GRAMD1B: variants seen among roughly 807,000 people sequenced by gnomAD.
GRAMD1B encodes GRAM domain containing 1B, also known as protein Aster-B.
GRAMD1B carries 37 observed loss-of-function variants against 99.7 expected under a neutral mutation model. The observed-to-expected ratio is 0.37, with a 90% confidence interval of 0.29 to 0.49. The LOEUF is 0.49. GRAMD1B is among the 20% of genes least tolerant of loss of function. GRAMD1B has a pLI of 0.98. For missense variants in GRAMD1B, 888 were observed against 1,009.2 expected, an observed-to-expected ratio of 0.88 and a Z score of 1.63; for synonymous variants, 427 against 387.6, an observed-to-expected ratio of 1.10 and a Z score of -1.19.
At chr11:123,446,670 C>A (rs1008282687) in intron 1 of GRAMD1B, among the ~76,000 whole-genome samples, 2 of 152,064 alleles carry the variant, frequency 1.3e-5, no homozygotes, top group African/African-American at 4.8e-5. Context: ...CAGAGAGATG[C>A]GACTGAAAAT....
intron 2 of GRAMD1B, among the ~76,000 whole-genome samples, chr11:123,529,008 A>G (rs1043064621): frequency 6.6e-6 from 1 of 152,164 alleles, no homozygotes; most frequent in Non-Finnish European, 1.5e-5. Context: ...GGGTCTGTCC[A>G]TTCATTTTCT....
chr11:123,486,319 G>A (rs1227397023), intron 2 of GRAMD1B, among the ~76,000 whole-genome samples: 1 of 152,122 alleles, frequency 6.6e-6, no homozygotes, highest in African/African-American at 2.4e-5. Flanking sequence ...AGGCCGACGT[G>A]GGTGGATTGC....
At chr11:123,593,477 T>C (rs1950907681) in intron 4 of GRAMD1B, among the ~76,000 whole-genome samples, 1 of 151,938 alleles carries the variant, frequency 6.6e-6, no homozygotes, top group Non-Finnish European at 1.5e-5. Flanking sequence ...GCTGTAAGGA[T>C]TGGTTTAGAT....
At chr11:123,505,405 A>G (rs892759696) in intron 2 of GRAMD1B, among the ~76,000 whole-genome samples, 3 of 152,146 alleles carry the variant, frequency 2.0e-5, no homozygotes, top group Admixed American at 6.5e-5. Flanking sequence ...ACAATCATCA[A>G]TTCTGTGGGG....
chr11:123,480,632 A>G (rs1591658424), intron 1 of GRAMD1B, 184 bp from the exon 2 acceptor site: 1 of 382,186 alleles, frequency 2.6e-6, no homozygotes, highest in African/African-American at 2.1e-5. Flanking sequence ...TGGGGATTTT[A>G]TCAGCCTTGT....
intron 9 of GRAMD1B, 26 bp downstream of exon 9, chr11:123,603,567 C>A: frequency 7.2e-7 from 1 of 1,393,054 alleles, no homozygotes; most frequent in East Asian, 2.3e-5. Context: ...GGCGGCTGCC[C>A]AGAGGCAGCC....
upstream of GRAMD1B, among the ~76,000 whole-genome samples, chr11:123,425,558 G>A (rs1330521667): frequency 6.6e-6 from 1 of 152,174 alleles, no homozygotes; most frequent in Non-Finnish European, 1.5e-5. Context: ...TCCTTCTCCT[G>A]AGGTGACGTC....
intron 2 of GRAMD1B, among the ~76,000 whole-genome samples, chr11:123,494,733 T>C (rs995926985): frequency 2.0e-5 from 3 of 152,124 alleles, no homozygotes; most frequent in African/African-American, 7.2e-5. Context: ...GCAGGATGGA[T>C]GGTAATTTTT....
In GRAMD1B at chr11:123,610,192, G is replaced by A. The variant is rs575453295; in HGVS notation, c.1777-4G>A. On this transcript the variant is annotated splice_region_variant and splice_polypyrimidine_tract_variant and intron_variant, in intron 13 of 19. Coordinates refer to ENST00000635736, the MANE Select transcript of GRAMD1B (RefSeq NM_001387025.1). This position sits in a 1 kb window ranked among gnomAD's most constrained non-coding sequence, Gnocchi z 4.1. ...TTTGTCCAATGGACCTTTCCTGCCC[G>A]CAGACCATGTACAAGGCGAGCCAGG... 118 of 1,613,674 alleles carry A rather than the reference G, an allele frequency of 7.3e-5. No homozygotes were observed. Among genetic ancestry groups the A allele is most frequent in the East Asian group, 4.0e-4 (18 of 44,870 alleles).
intron 2 of GRAMD1B, among the ~76,000 whole-genome samples, chr11:123,548,610 C>A (rs1945312195): frequency 6.7e-6 from 1 of 150,330 alleles, no homozygotes; most frequent in Non-Finnish European, 1.5e-5. Flanking sequence ...TAATTGAATG[C>A]TTGAAATGAA....
chr11:123,377,248 G>A lies in GRAMD1B; in HGVS notation c.-176+18449G>A, dbSNP rs552639363. Among the ~76,000 whole-genome samples the A allele has an allele frequency of 1.1e-4, 17 of 152,284 alleles. No homozygotes were observed. The South Asian group carries it at 3.5e-3, about 32-fold the overall frequency. On this transcript the variant is annotated intron_variant, in intron 1 of 20. Transcript: ENST00000638157. Reference sequence around the variant, plus strand: ...CTTTCTTGTCTGTACACCTGGCACTGAGATGGTAGCTGGCATAAAAATCCA... The same window carrying A: ...CTTTCTTGTCTGTACACCTGGCACTAAGATGGTAGCTGGCATAAAAATCCA...
chr11:123,446,308 G>A (rs1337591284), intron 1 of GRAMD1B, among the ~76,000 whole-genome samples: 1 of 152,152 alleles, frequency 6.6e-6, no homozygotes, highest in Non-Finnish European at 1.5e-5. Flanking sequence ...TGGGATTACA[G>A]GTGTGTGCCA....
At chr11:123,608,037 G>T (rs1952982430) in intron 11 of GRAMD1B, 1 of 158,700 alleles carries the variant, frequency 6.3e-6, no homozygotes, top group Non-Finnish European at 1.4e-5. Context: ...CTCTCATTCT[G>T]ATTTGAATTC....
intron 1 of GRAMD1B, among the ~76,000 whole-genome samples, chr11:123,380,922 C>A (rs564998900): frequency 2.0e-5 from 3 of 152,220 alleles, no homozygotes; most frequent in South Asian, 2.1e-4. Context: ...GCTCCCACTC[C>A]CTTCTTCTCT....
In GRAMD1B at chr11:123,608,680, A is replaced by G; in HGVS notation, c.1535A>G (p.Glu512Gly). The change falls in exon 12 of 20, where the codon GAG becomes GGG. Residue 512 changes from glutamate to glycine, a missense_variant. Coordinates refer to ENST00000635736, the MANE Select transcript of GRAMD1B (RefSeq NM_001387025.1). ...HDEGEVQAFY[E>G]DLSGRQYVNE... Reference sequence around the variant, plus strand: ...GCAGGAGAGGTCCAGGCCTTCTATGAGGACCTGAGTGGCCGGCAGTACGTG... The same window carrying G: ...GCAGGAGAGGTCCAGGCCTTCTATGGGGACCTGAGTGGCCGGCAGTACGTG... 1 of 1,574,800 alleles carries G rather than the reference A, an allele frequency of 6.4e-7. No individual in the cohort carries two copies. Among genetic ancestry groups the G allele is most frequent in the Non-Finnish European group, 8.6e-7 (1 of 1,159,124 alleles).
Position 123,622,944 on chromosome 11 carries a change from G to A in GRAMD1B, c.*349G>A, listed in dbSNP as rs571500290. ...AATGTTGAGCCAAAGTTATGCCTGC[G>A]AAGACCCTAAGGTCTCAAAAAGAAG... is the stretch of plus-strand genomic sequence containing the variant. On this transcript the variant is annotated 3_prime_UTR_variant, in exon 20 of 20. Coordinates refer to ENST00000635736, the MANE Select transcript of GRAMD1B (RefSeq NM_001387025.1). 3.3e-5 allele frequency: 5 copies of A among 152,890 alleles called. No homozygotes were observed. Among genetic ancestry groups the A allele is most frequent in the Admixed American group, 1.3e-4 (2 of 15,286 alleles). 9.5% of individuals were successfully genotyped at this position (152,890 alleles called of 1,614,324 possible). A position where few individuals can be genotyped will look rare whatever the true frequency, so the allele number is the denominator to read the frequency against.
intron 8 of GRAMD1B, among the ~76,000 whole-genome samples, chr11:123,600,849 A>C (rs1240682444): frequency 6.6e-6 from 1 of 152,184 alleles, no homozygotes; most frequent in African/African-American, 2.4e-5. Context: ...ACCCCCAGAA[A>C]TAGGAAGCAC....
At chr11:123,601,854 A>C (rs1161480405) in intron 8 of GRAMD1B, among the ~76,000 whole-genome samples, 1 of 152,214 alleles carries the variant, frequency 6.6e-6, no homozygotes, top group Non-Finnish European at 1.5e-5. Context: ...TGCCCTCACA[A>C]ATAATTGTAA....
In GRAMD1B at chr11:123,523,599, C is replaced by G. The variant is rs1013855775; in HGVS notation, c.452+42706C>G. Reference sequence around the variant, plus strand: ...AAAATTTACAGTTACAATAATGTTTCTAATATAATACTTGGAAATCTTTGA... The same window carrying G: ...AAAATTTACAGTTACAATAATGTTTGTAATATAATACTTGGAAATCTTTGA... On this transcript the variant is annotated intron_variant, in intron 2 of 19. Transcript: ENST00000635736. 2.6e-5 allele frequency among the ~76,000 whole-genome samples: 4 copies of G among 151,574 alleles called. No homozygotes were observed. In the East Asian group the frequency reaches 7.7e-4, roughly 29 times the overall value.
Sources: gnomAD v4.1 joint callset for allele counts (sites outside exome capture counted in the v4.1 genomes callset) on GRCh38, gnomAD v4.1.1 for gene constraint, Gnocchi (gnomAD v3.1) non-coding constraint, MANE v1.5 for transcripts, NCBI Gene and HGNC (gene_info 2026-07-23, HGNC 2026-07-21) for gene names.